ADAMTS16: variants seen among roughly 807,000 people sequenced by gnomAD.
The protein encoded by ADAMTS16 is A disintegrin and metalloproteinase with thrombospondin motifs 16.
In ADAMTS16, 94 loss-of-function variants were observed where a neutral mutation model predicts 145.8. The observed-to-expected ratio is 0.64, with a 90% confidence interval of 0.55 to 0.77. The LOEUF (loss-of-function observed/expected upper bound fraction) is 0.77, where lower values mean the gene tolerates loss of function less well. ADAMTS16 is among the 30% of genes least tolerant of loss of function. The probability of loss-of-function intolerance (pLI) is 0.00; values close to 1 mark genes in which losing one functional copy is unlikely to be tolerated. For synonymous variants in ADAMTS16, 659 were observed against 604.3 expected (o/e 1.09, Z -1.33); for missense variants, 1,585 against 1,591.5 (o/e 1.00, Z 0.07).
At chr5:5,240,844 T>G (rs1447282322) in intron 16 of ADAMTS16, among the ~76,000 whole-genome samples, 2 of 152,214 alleles carry the variant, frequency 1.3e-5, no homozygotes, top group Non-Finnish European at 2.9e-5. Flanking sequence ...AATTCTTTCC[T>G]TGATCAATTT....
At chr5:5,148,388 G>A (rs181754781) in intron 3 of ADAMTS16, among the ~76,000 whole-genome samples, 1 of 152,320 alleles carries the variant, frequency 6.6e-6, no homozygotes. Flanking sequence ...CTTCTAGCAG[G>A]AAATGCTCTA....
chr5:5,260,936 C>G (rs1165010661), intron 17 of ADAMTS16, among the ~76,000 whole-genome samples: 1 of 152,130 alleles, frequency 6.6e-6, no homozygotes, highest in African/African-American at 2.4e-5. Context: ...GTTGTATTTC[C>G]TTATGAGCAA....
At chr5:5,145,141 T>C (rs1734260643) in intron 2 of ADAMTS16, among the ~76,000 whole-genome samples, 1 of 152,202 alleles carries the variant, frequency 6.6e-6, no homozygotes, top group Non-Finnish European at 1.5e-5. Context: ...ACTTTTCCTC[T>C]TGCAAGATTA....
At chr5:5,201,477 G>T (rs2126593121) in intron 9 of ADAMTS16, among the ~76,000 whole-genome samples, 1 of 136,992 alleles carries the variant, frequency 7.3e-6, no homozygotes, top group African/African-American at 2.7e-5. Context: ...TTGACAAGAA[G>T]AATTATATTT....
chr5:5,228,712 C>G (rs1050471578), intron 11 of ADAMTS16, among the ~76,000 whole-genome samples: 3 of 152,168 alleles, frequency 2.0e-5, no homozygotes, highest in Non-Finnish European at 2.9e-5. Context: ...AGAGACTTTT[C>G]TCCCCATCTA....
chr5:5,304,981 A>G (rs1739978935), intron 20 of ADAMTS16, among the ~76,000 whole-genome samples: 1 of 87,594 alleles, frequency 1.1e-5, no homozygotes, highest in Admixed American at 1.1e-4. Context: ...ACACACACAC[A>G]TCCTACACCA....
chr5:5,240,248 C>T (rs1035392590), intron 16 of ADAMTS16, among the ~76,000 whole-genome samples: 5 of 152,064 alleles, frequency 3.3e-5, no homozygotes, highest in African/African-American at 7.2e-5. Flanking sequence ...GGTCTGACTT[C>T]GCCTGTGTCT....
intron 18 of ADAMTS16, among the ~76,000 whole-genome samples, chr5:5,278,431 ATG>A (rs1738781281): frequency 6.6e-6 from 1 of 152,182 alleles, no homozygotes; most frequent in Non-Finnish European, 1.5e-5. Context: ...CGTCCTGCTT[ATG>A]TGATTAGAGC....
rs6862935 is a variant in ADAMTS16, at chr5:5,242,542, C to G, written c.2662+351C>G. Among the ~76,000 whole-genome samples, 235 of 152,234 alleles carry G rather than the reference C, an allele frequency of 1.5e-3. 3 individuals are homozygous for G. The highest frequency in any genetic ancestry group is 4.0e-3 in the African/African-American group (168 of 41,536). ...TCATGTTGACGGTGAGAAACAGACA[C>G]TACCATGGAAAATACACTGACCTAG... is the stretch of plus-strand genomic sequence containing the variant. On this transcript the variant is annotated intron_variant, in intron 17 of 22. Coordinates refer to ENST00000274181, the MANE Select transcript of ADAMTS16 (RefSeq NM_139056.4).
At chr5:5,225,500 G>T (rs1736734233) in intron 11 of ADAMTS16, among the ~76,000 whole-genome samples, 1 of 152,260 alleles carries the variant, frequency 6.6e-6, no homozygotes, top group East Asian at 1.9e-4. Context: ...CTGCTCGGGA[G>T]GCTGAGGCAG....
In ADAMTS16 at chr5:5,140,703, G is replaced by C. The variant is rs1253666905; in HGVS notation, c.112G>C (p.Gly38Arg). ...CATGGGACCCGCAGCGGCAGCGCCT[G>C]GGAGCCCGAGCGTCCCGCGTCCTCC... is the stretch of plus-strand genomic sequence containing the variant. ...CAMGPAAAAP[G>R]SPSVPRPPPP... The change falls in exon 2 of 23, where the codon GGG becomes CGG. Residue 38 changes from glycine to arginine, a missense_variant. Transcript: ENST00000274181. The C allele has an allele frequency of 5.1e-6, 8 of 1,567,576 alleles. No homozygotes were observed. The East Asian group carries it at 1.9e-4, about 36-fold the overall frequency.
At chr5:5,188,851 C>G (rs2126572927) in intron 6 of ADAMTS16, among the ~76,000 whole-genome samples, 1 of 152,184 alleles carries the variant, frequency 6.6e-6, no homozygotes, top group Non-Finnish European at 1.5e-5. Flanking sequence ...GCTGAACATG[C>G]CGGGCTTCTC....
At chr5:5,145,986 A>C (rs1734281211) in intron 2 of ADAMTS16, 144 bp from the exon 3 acceptor site, 1 of 681,684 alleles carries the variant, frequency 1.5e-6, no homozygotes, top group East Asian at 2.7e-5. Flanking sequence ...CTTTGAATTC[A>C]GTATGGGTAG....
At chr5:5,194,112 A>G (rs1735735704) in intron 8 of ADAMTS16, among the ~76,000 whole-genome samples, 1 of 152,008 alleles carries the variant, frequency 6.6e-6, no homozygotes. Context: ...AAAAAAAAAT[A>G]AAAATAAGCC....
In ADAMTS16 at chr5:5,319,880, T is replaced by C. The variant is rs1303372490; in HGVS notation, c.*742T>C. On this transcript the variant is annotated 3_prime_UTR_variant, in exon 23 of 23. Transcript: ENST00000274181. The stretch of plus-strand genomic sequence containing the variant: ...TTTTATACTTTATGTTTTATCTTTC[T>C]CAGTTATTTGCAAGTGAGTGTCCTT... The C allele has an allele frequency of 2.2e-6, 1 of 455,920 alleles. No individual in the cohort carries two copies. Among genetic ancestry groups the C allele is most frequent in the African/African-American group, 2.0e-5 (1 of 50,076 alleles). The allele number at this position is 455,920 out of a possible 1,614,324, so 28.2% of individuals were successfully genotyped here.
intron 3 of ADAMTS16, among the ~76,000 whole-genome samples, chr5:5,157,993 A>G (rs570515209): frequency 4.6e-5 from 7 of 152,216 alleles, no homozygotes; most frequent in Middle Eastern, 3.4e-3. Context: ...CTGCCTGCAA[A>G]ACGACTCCCA....
chr5:5,173,326 T>C (rs990601165), intron 3 of ADAMTS16, among the ~76,000 whole-genome samples: 1 of 152,092 alleles, frequency 6.6e-6, no homozygotes, highest in Non-Finnish European at 1.5e-5. Context: ...GCCGTTTTAT[T>C]TCTTTCCTTC....
chr5:5,233,007 C>T (rs1736982293), intron 12 of ADAMTS16, among the ~76,000 whole-genome samples: 1 of 146,680 alleles, frequency 6.8e-6, no homozygotes, highest in Non-Finnish European at 1.5e-5. Context: ...TGTGCTATAA[C>T]TTAAGATGCT....
At chr5:5,212,289 G>T (rs888879615) in intron 10 of ADAMTS16, among the ~76,000 whole-genome samples, 7 of 148,064 alleles carry the variant, frequency 4.7e-5, no homozygotes, top group African/African-American at 1.7e-4. Context: ...CTCACTGCAA[G>T]CTCTGCCTCC....
Sources: gnomAD v4.1 joint callset for allele counts (sites outside exome capture counted in the v4.1 genomes callset) on GRCh38, gnomAD v4.1.1 for gene constraint, MANE v1.5 for transcripts, NCBI Gene and HGNC (gene_info 2026-07-23, HGNC 2026-07-21) for gene names.